The following VWA3B variants were observed in gnomAD, a reference collection of about 807,000 sequenced individuals.
The protein encoded by VWA3B is von Willebrand factor A domain-containing protein 3B.
Under a neutral mutation model 158.3 loss-of-function variants are expected in VWA3B, and 138 were observed. The ratio of observed to expected loss-of-function variants is 0.87; its 90% confidence interval spans 0.76 to 1.00. The LOEUF is 1.00. Ranked by LOEUF, VWA3B falls within the 50% of genes least tolerant of loss-of-function variation. The probability of loss-of-function intolerance (pLI) is 0.00; values close to 1 mark genes in which losing one functional copy is unlikely to be tolerated. For missense variants in VWA3B, 1,555 were observed against 1,565.1 expected (o/e 0.99, Z 0.11); for synonymous variants, 596 against 587.3 (o/e 1.01, Z -0.21).
At chr2:98,242,005 A>T (rs1227325367) in intron 19 of VWA3B, among the ~76,000 whole-genome samples, 2 of 152,202 alleles carry the variant, frequency 1.3e-5, no homozygotes, top group African/African-American at 4.8e-5. Context: ...CATGGGATGT[A>T]TACCTTTTTG....
At chr2:98,252,909 T>TATA (rs1466987731) in intron 20 of VWA3B, among the ~76,000 whole-genome samples, 2 of 152,180 alleles carry the variant, frequency 1.3e-5, no homozygotes, top group Non-Finnish European at 2.9e-5. Context: ...GTCACTATAT[T>TATA]GTTATTAATT....
chr2:98,261,313 C>T (rs961987884), intron 21 of VWA3B, among the ~76,000 whole-genome samples: 4 of 151,678 alleles, frequency 2.6e-5, no homozygotes, highest in Non-Finnish European at 5.9e-5. Context: ...CAGCTTCAAC[C>T]TCTTTCATAT....
the VWA3B span, among the ~76,000 whole-genome samples, chr2:98,321,502 G>A: frequency 6.6e-6 from 1 of 152,212 alleles, no homozygotes; most frequent in Admixed American, 6.5e-5. Flanking sequence ...TCCCCCTTGT[G>A]GCAGAGCTGC....
At position 98,208,876 on chromosome 2, in the gene VWA3B, C is replaced by T. The variant is rs1184850136; in HGVS notation, c.1738-3054C>T. On this transcript the variant is annotated intron_variant, in intron 12 of 27. Coordinates refer to ENST00000477737, the MANE Select transcript of VWA3B (RefSeq NM_144992.5). ...GAAAGTCCAGGCTTTTTTCTTTTCT[C>T]GTTCTCTTTCTATATGGAAAGCTTT... 2.0e-5 allele frequency among the ~76,000 whole-genome samples: 3 copies of T among 152,130 alleles called. No individual in the cohort carries two copies. The East Asian group carries it at 5.8e-4, about 29-fold the overall frequency.
chr2:98,106,349 A>G (rs1283444175), intron 2 of VWA3B, among the ~76,000 whole-genome samples: 1 of 151,790 alleles, frequency 6.6e-6, no homozygotes, highest in African/African-American at 2.4e-5. Context: ...AAATTGTTTT[A>G]GCTACTCTAG....
chr2:98,300,258 A>ATGCCAGGCTGTATCCTGGCAC (rs764235229), intron 25 of VWA3B, 42 bp downstream of exon 25: 1 of 1,611,142 alleles, frequency 6.2e-7, no homozygotes, highest in Admixed American at 1.7e-5. Context: ...CTCCTGGGCA[A>ATGCCAGGCTGTATCCTGGCAC]TGCCAGGCTG....
intron 12 of VWA3B, among the ~76,000 whole-genome samples, chr2:98,194,768 C>T (rs557187102): frequency 3.3e-5 from 5 of 152,258 alleles, no homozygotes; most frequent in Middle Eastern, 3.4e-3. Flanking sequence ...TATGAAAACA[C>T]ATTTCAAAAC....
At chr2:98,127,502 G>T (rs1457705313) in intron 5 of VWA3B, among the ~76,000 whole-genome samples, 1 of 149,260 alleles carries the variant, frequency 6.7e-6, no homozygotes, top group Non-Finnish European at 1.5e-5. Flanking sequence ...CAATTCAGCA[G>T]CTGGCACTTC....
intron 5 of VWA3B, among the ~76,000 whole-genome samples, chr2:98,123,513 G>A (rs566551434): frequency 4.6e-5 from 7 of 152,346 alleles, no homozygotes; most frequent in Admixed American, 1.3e-4. Flanking sequence ...AGGAAGCAAC[G>A]AGAGAGAGCC....
At chr2:98,127,425 C>A (rs1045026125) in intron 5 of VWA3B, among the ~76,000 whole-genome samples, 1 of 152,020 alleles carries the variant, frequency 6.6e-6, no homozygotes, top group Admixed American at 6.6e-5. Context: ...CCGGGAGGAG[C>A]GAGGGTGGCC....
At chr2:98,239,883 C>T (rs1685965316) in intron 19 of VWA3B, among the ~76,000 whole-genome samples, 1 of 151,062 alleles carries the variant, frequency 6.6e-6, no homozygotes, top group Non-Finnish European at 1.5e-5. Context: ...TACTGCACCC[C>T]AGCCTGGCAA....
At chr2:98,272,212 G>A (rs371538916) in intron 22 of VWA3B, among the ~76,000 whole-genome samples, 8 of 152,200 alleles carry the variant, frequency 5.3e-5, no homozygotes, top group East Asian at 1.9e-4. Context: ...TGACTGACCC[G>A]CTTCAAGTTG....
intron 25 of VWA3B, among the ~76,000 whole-genome samples, chr2:98,300,587 C>T (rs1231044778): frequency 6.6e-6 from 1 of 152,092 alleles, no homozygotes; most frequent in Non-Finnish European, 1.5e-5. Context: ...CTTTGAGGTC[C>T]CCTGCTGGCC....
intron 22 of VWA3B, among the ~76,000 whole-genome samples, chr2:98,282,890 C>T (rs1217893700): frequency 6.6e-6 from 1 of 152,148 alleles, no homozygotes; most frequent in Non-Finnish European, 1.5e-5. Context: ...AGAATGAATG[C>T]CATAGCATTG....
chr2:98,102,993 A>C (rs1257144046), intron 2 of VWA3B, among the ~76,000 whole-genome samples: 1 of 152,232 alleles, frequency 6.6e-6, no homozygotes, highest in Non-Finnish European at 1.5e-5. Flanking sequence ...TGCACACACC[A>C]ACAGTATTTT....
At chr2:98,298,838 G>A (rs1440172677) in intron 24 of VWA3B, among the ~76,000 whole-genome samples, 1 of 152,256 alleles carries the variant, frequency 6.6e-6, no homozygotes, top group African/African-American at 2.4e-5. Context: ...TACCCCTTTT[G>A]AGGTTCCTAT....
At chr2:98,323,302 T>C in the VWA3B span, among the ~76,000 whole-genome samples, 6 of 152,098 alleles carry the variant, frequency 3.9e-5, no homozygotes, top group Non-Finnish European at 7.3e-5. Context: ...GTACACTAAA[T>C]AGACTGAGCA....
intron 8 of VWA3B, among the ~76,000 whole-genome samples, chr2:98,167,956 G>T (rs1280058664): frequency 6.6e-6 from 1 of 152,134 alleles, no homozygotes; most frequent in Admixed American, 6.5e-5. Flanking sequence ...GACATGAAAA[G>T]AACAAACTAT....
chr2:98,211,029 G>A (rs949142547), intron 12 of VWA3B, among the ~76,000 whole-genome samples: 10 of 152,202 alleles, frequency 6.6e-5, no homozygotes, highest in South Asian at 2.1e-4. Flanking sequence ...AGCATCCAGC[G>A]CTCTGCAGTG....
Sources: gnomAD v4.1 joint callset for allele counts (sites outside exome capture counted in the v4.1 genomes callset) on GRCh38, gnomAD v4.1.1 for gene constraint, MANE v1.5 for transcripts, NCBI Gene and HGNC (gene_info 2026-07-23, HGNC 2026-07-21) for gene names.